The following MACROD2 variants were observed in gnomAD, a reference collection of about 807,000 sequenced individuals.
The protein encoded by MACROD2 is ADP-ribose glycohydrolase MACROD2.
In MACROD2, 36 loss-of-function variants were observed where a neutral mutation model predicts 70.4. The observed-to-expected ratio is 0.51, with a 90% CI of 0.39 to 0.68. MACROD2 has a LOEUF of 0.68. Among genes scored for constraint, MACROD2 ranks in the 30% least tolerant of loss-of-function variants. The probability of loss-of-function intolerance (pLI) is 0.00; values close to 1 mark genes in which losing one functional copy is unlikely to be tolerated. For synonymous variants in MACROD2, 172 were observed against 178.8 expected (o/e 0.96, Z 0.30); for missense variants, 496 against 538.4 (o/e 0.92, Z 0.78).
chr20:15,634,792 C>A (rs1169259837), intron 8 of MACROD2, among the ~76,000 whole-genome samples: 1 of 152,216 alleles, frequency 6.6e-6, no homozygotes, highest in Non-Finnish European at 1.5e-5. Flanking sequence ...GGTTAAAAAT[C>A]AACTTTCCTG....
chr20:14,959,407 G>A (rs773059574), intron 5 of MACROD2, among the ~76,000 whole-genome samples: 2 of 152,140 alleles, frequency 1.3e-5, no homozygotes, highest in African/African-American at 2.4e-5. Context: ...TGGGATTACA[G>A]GCATGAGCCG....
At chr20:15,037,654 CTTTACT>C (rs1179250494) in intron 5 of MACROD2, among the ~76,000 whole-genome samples, 1 of 151,486 alleles carries the variant, frequency 6.6e-6, no homozygotes, top group Non-Finnish European at 1.5e-5. Flanking sequence ...TACCTCATGC[CTTTACT>C]TTTAACTATT....
chr20:14,306,458 A>T (rs1210150337), intron 3 of MACROD2, among the ~76,000 whole-genome samples: 1 of 152,156 alleles, frequency 6.6e-6, no homozygotes, highest in African/African-American at 2.4e-5. Context: ...TAACATGATT[A>T]TACAGTCTGT....
chr20:14,923,964 C>A (rs1380579991), intron 5 of MACROD2, among the ~76,000 whole-genome samples: 1 of 152,154 alleles, frequency 6.6e-6, no homozygotes, highest in Non-Finnish European at 1.5e-5. Context: ...CGTTTACGAG[C>A]AAACCTTTTT....
intron 5 of MACROD2, among the ~76,000 whole-genome samples, chr20:14,768,826 G>A (rs1292714822): frequency 6.6e-6 from 1 of 152,048 alleles, no homozygotes; most frequent in African/African-American, 2.4e-5. Flanking sequence ...ACATATTCCT[G>A]AGTGAACAGC....
chr20:15,537,437 C>CT (rs1160273245), intron 8 of MACROD2, among the ~76,000 whole-genome samples: 1 of 138,518 alleles, frequency 7.2e-6, no homozygotes, highest in African/African-American at 2.7e-5. Context: ...CAGGGATAGT[C>CT]TTTCACTTTG....
At chr20:14,804,548 A>G (rs79509949) in intron 5 of MACROD2, among the ~76,000 whole-genome samples, 2,043 of 152,116 alleles carry the variant, frequency 0.013, 47 homozygotes, top group African/African-American at 0.047. Context: ...GTGAAGTGCC[A>G]AAGAAAAAGA....
At chr20:14,117,650 G>T (rs776773611) in intron 3 of MACROD2, among the ~76,000 whole-genome samples, 10 of 152,026 alleles carry the variant, frequency 6.6e-5, no homozygotes, top group Non-Finnish European at 1.5e-4. Flanking sequence ...GTAGGCTAAG[G>T]AGTTCTCACA....
intron 8 of MACROD2, among the ~76,000 whole-genome samples, chr20:15,747,746 A>C (rs1218513189): frequency 1.3e-5 from 2 of 152,062 alleles, no homozygotes; most frequent in African/African-American, 2.4e-5. Flanking sequence ...GTATGAGCAA[A>C]GACAGCTTTA....
chr20:14,443,065 C>A (rs1375511858), intron 3 of MACROD2, among the ~76,000 whole-genome samples: 1 of 149,740 alleles, frequency 6.7e-6, no homozygotes. Flanking sequence ...GGCAACAGAG[C>A]GAGACTCTGT....
intron 5 of MACROD2, among the ~76,000 whole-genome samples, chr20:14,897,730 A>G (rs2073847467): frequency 6.6e-6 from 1 of 152,162 alleles, no homozygotes; most frequent in African/African-American, 2.4e-5. Context: ...GTAACAGAAT[A>G]CCATAGACTA....
At chr20:15,459,077 C>T (rs964690007) in intron 7 of MACROD2, among the ~76,000 whole-genome samples, 32 of 151,988 alleles carry the variant, frequency 2.1e-4, no homozygotes, top group Non-Finnish European at 5.9e-5. Flanking sequence ...CAGAAGGCCA[C>T]TTGGAGGTCT....
chr20:15,357,870 G>C (rs2078306625), intron 6 of MACROD2, among the ~76,000 whole-genome samples: 2 of 148,936 alleles, frequency 1.3e-5, no homozygotes, highest in Non-Finnish European at 3.0e-5. Context: ...GCAGTGGCGC[G>C]ATCTCAGCTT....
intron 2 of MACROD2, among the ~76,000 whole-genome samples, chr20:14,020,349 T>G (rs1028399164): frequency 4.6e-5 from 7 of 152,156 alleles, no homozygotes; most frequent in African/African-American, 1.4e-4. Flanking sequence ...GGCACATGCC[T>G]GTAATCCCAG....
chr20:15,196,688 G>T (rs1435475533), intron 5 of MACROD2, among the ~76,000 whole-genome samples: 1 of 152,148 alleles, frequency 6.6e-6, no homozygotes, highest in Non-Finnish European at 1.5e-5. Context: ...TTTGACAGTG[G>T]TTTTTAAATT....
intron 5 of MACROD2, among the ~76,000 whole-genome samples, chr20:14,972,421 C>T (rs2074700088): frequency 6.6e-6 from 1 of 152,174 alleles, no homozygotes; most frequent in Non-Finnish European, 1.5e-5. Flanking sequence ...CCTTCCTAAG[C>T]ATAGGGTTGG....
chr20:15,301,433 G>A (rs2077641334), intron 6 of MACROD2, among the ~76,000 whole-genome samples: 1 of 152,184 alleles, frequency 6.6e-6, no homozygotes, highest in Non-Finnish European at 1.5e-5. Context: ...TCACCAACTT[G>A]CCTTGTTCCC....
chr20:15,924,547 C>A (rs1403013019), intron 10 of MACROD2, among the ~76,000 whole-genome samples: 1 of 152,170 alleles, frequency 6.6e-6, no homozygotes, highest in Non-Finnish European at 1.5e-5. Flanking sequence ...CTCAGTTTCA[C>A]TTTGTGCAGG....
At chr20:15,859,380 G>A (rs915323749) in intron 8 of MACROD2, among the ~76,000 whole-genome samples, 1 of 152,154 alleles carries the variant, frequency 6.6e-6, no homozygotes, top group Non-Finnish European at 1.5e-5. Context: ...AGGAATAACT[G>A]TAGATCCCAT....
Sources: allele counts gnomAD v4.1 joint callset (sites outside exome capture counted in the v4.1 genomes callset), GRCh38; gene constraint gnomAD v4.1.1; transcripts MANE v1.5; gene names NCBI Gene and HGNC (gene_info 2026-07-23, HGNC 2026-07-21).